The following RAF1 variants were observed in gnomAD, a reference collection of about 807,000 sequenced individuals.
RAF1 encodes Raf-1 proto-oncogene, serine/threonine kinase, also known as RAF proto-oncogene serine/threonine-protein kinase.
In RAF1, 27 loss-of-function variants were observed where a neutral mutation model predicts 81.1. That is an observed-to-expected ratio of 0.33 (90% CI 0.25 to 0.46). The LOEUF is 0.46. Ranked by LOEUF, RAF1 falls within the 20% of genes least tolerant of loss-of-function variation. The pLI, the probability that RAF1 is intolerant of heterozygous loss-of-function variation, is 1.00. For missense variants in RAF1, 598 were observed against 826.0 expected (o/e 0.72, Z 3.38); for synonymous variants, 298 against 294.0 (o/e 1.01, Z -0.14).
intron 5 of RAF1, among the ~76,000 whole-genome samples, chr3:12,606,843 T>C (rs749595783): frequency 1.3e-5 from 2 of 152,170 alleles, no homozygotes; most frequent in African/African-American, 2.4e-5. Flanking sequence ...CTCCTAATGC[T>C]ATCCCTTCCC....
chr3:12,606,077 A>G (rs938866855), intron 6 of RAF1, 124 bp downstream of exon 6: 1 of 699,452 alleles, frequency 1.4e-6, no homozygotes, highest in Non-Finnish European at 2.5e-6. Context: ...GTTCCACAGA[A>G]GCAGCAAGGG....
rs1216502346 is a variant in RAF1 at position 12,585,771 on chromosome 3, C to G, written c.1506G>C (p.Val502=). Residue 502 remains valine, a synonymous_variant, in exon 15 of 18, where the codon GTG becomes GTC. Transcript: ENST00000442415. Reference sequence around the variant, plus strand: ...TTGCCAAACCAAAATCTCCAATTTTCACTGTTAAGCCTTCATGGAGAAATA... The same window carrying G: ...TTGCCAAACCAAAATCTCCAATTTTGACTGTTAAGCCTTCATGGAGAAATA... 6.2e-7 allele frequency: 1 copy of G among 1,613,820 alleles called. No individual in the cohort carries two copies. Among genetic ancestry groups the G allele is most frequent in the Non-Finnish European group, 8.5e-7 (1 of 1,179,702 alleles).
At chr3:12,649,867 C>G (rs1260273568) in intron 1 of RAF1, among the ~76,000 whole-genome samples, 1 of 151,912 alleles carries the variant, frequency 6.6e-6, no homozygotes, top group East Asian at 1.9e-4. Flanking sequence ...AGCTGGGCAG[C>G]CAGGCACAGT....
At chr3:12,601,223 G>A (rs1435373565) in intron 8 of RAF1, among the ~76,000 whole-genome samples, 1 of 152,194 alleles carries the variant, frequency 6.6e-6, no homozygotes, top group African/African-American at 2.4e-5. Context: ...AAACACATCT[G>A]AACAGGTAGA....
chr3:12,598,515 T>C lies in RAF1; in HGVS notation c.1168+1176A>G, dbSNP rs537879633. ...ATTTTGAGAGACCCAAGAGGACTGC[T>C]TGAGTCCAGGAGTTGGAGACCAGCC... On this transcript the variant is annotated intron_variant, in intron 11 of 17. Coordinates refer to ENST00000442415, the MANE Select transcript of RAF1 (RefSeq NM_001354689.3). 4.1e-4 allele frequency among the ~76,000 whole-genome samples: 62 copies of C among 152,080 alleles called. 1 individual carries two copies. The highest frequency in any genetic ancestry group is 8.2e-4 in the African/African-American group (34 of 41,522).
At chr3:12,626,805 C>T (rs1204208049) in intron 1 of RAF1, among the ~76,000 whole-genome samples, 1 of 151,794 alleles carries the variant, frequency 6.6e-6, no homozygotes, top group East Asian at 1.9e-4. Flanking sequence ...AGGTGAATTA[C>T]CTGAGGTCAG....
chr3:12,604,822 G>A (rs1056945481), intron 6 of RAF1, among the ~76,000 whole-genome samples: 27 of 152,060 alleles, frequency 1.8e-4, no homozygotes, highest in African/African-American at 6.5e-4. Flanking sequence ...ATACCTAAAT[G>A]TGAAATTAAC....
At chr3:12,601,361 G>A (rs531456978) in intron 8 of RAF1, among the ~76,000 whole-genome samples, 13 of 152,194 alleles carry the variant, frequency 8.5e-5, no homozygotes, top group Admixed American at 2.0e-4. Flanking sequence ...TTTGGAAATC[G>A]GTTACATTCT....
chr3:12,637,343 T>G (rs1244141146), intron 1 of RAF1, among the ~76,000 whole-genome samples: 2 of 48,784 alleles, frequency 4.1e-5, no homozygotes, highest in African/African-American at 1.8e-4. Context: ...TTGCTTCTAT[T>G]AACATTTTTT....
At chr3:12,650,145 CAAAA>C (rs36098034) in intron 1 of RAF1, among the ~76,000 whole-genome samples, 179 of 76,942 alleles carry the variant, frequency 2.3e-3, no homozygotes, top group African/African-American at 8.1e-3. Flanking sequence ...GACTCCATCT[CAAAA>C]AAAAAAAAAA....
At chr3:12,612,086 G>C in intron 2 of RAF1, 24 bp from the exon 3 acceptor site, 1 of 1,579,790 alleles carries the variant, frequency 6.3e-7, no homozygotes. Context: ...ACCACCTTTA[G>C]GACCAACACA....
At chr3:12,642,719 C>A (rs867446502) in intron 1 of RAF1, among the ~76,000 whole-genome samples, 83 of 141,460 alleles carry the variant, frequency 5.9e-4, no homozygotes, top group African/African-American at 1.2e-3. Context: ...CACACACACA[C>A]AAAATAGCTG....
chr3:12,585,169 G>T lies in RAF1; in HGVS notation c.1681C>A (p.Leu561Met), dbSNP rs1450208813. The T allele has an allele frequency of 1.2e-6, 2 of 1,614,056 alleles. No individual in the cohort carries two copies. The highest frequency in any genetic ancestry group is 1.7e-6 in the Non-Finnish European group (2 of 1,180,042). Residue 561 changes from leucine (L) to methionine (M), a missense_variant, in exon 16 of 18, where the codon CTG (leucine) becomes ATG (methionine). Around this residue, in one of 5 missense-constraint regions of RAF1, gnomAD observed 147 missense variants for 196.1 expected, o/e 0.75. Transcript: ENST00000442415. ...GAATAAGGAAGCTCCCCCGTCATCA[G>T]TTCATACAATACGATGCCATAGGAG...
At chr3:12,663,164 A>G (rs911068470) in intron 1 of RAF1, among the ~76,000 whole-genome samples, 2 of 152,170 alleles carry the variant, frequency 1.3e-5, no homozygotes, top group Non-Finnish European at 2.9e-5. Flanking sequence ...GCAGCTGCAG[A>G]GCTGAAGCGT....
chr3:12,653,876 A>G (rs1328323953), intron 1 of RAF1, among the ~76,000 whole-genome samples: 1 of 152,242 alleles, frequency 6.6e-6, no homozygotes, highest in East Asian at 1.9e-4. Flanking sequence ...AGAAGCAAAG[A>G]AAAGCCATGA....
At chr3:12,621,077 A>C (rs1250788012) in intron 1 of RAF1, among the ~76,000 whole-genome samples, 3 of 152,276 alleles carry the variant, frequency 2.0e-5, no homozygotes, top group Non-Finnish European at 1.5e-5. Context: ...TTTTATTATT[A>C]ACAGTAGCTA....
At chr3:12,654,132 C>T (rs1483906541) in intron 1 of RAF1, among the ~76,000 whole-genome samples, 1 of 151,432 alleles carries the variant, frequency 6.6e-6, no homozygotes, top group Admixed American at 6.6e-5. Flanking sequence ...GCTGGGACTA[C>T]AGGCGCATAC....
chr3:12,662,072 C>T (rs990866405), intron 1 of RAF1, among the ~76,000 whole-genome samples: 2 of 151,502 alleles, frequency 1.3e-5, no homozygotes, highest in Non-Finnish European at 2.9e-5. Flanking sequence ...CCCCTGTAAT[C>T]CCAGCAAGCA....
At chr3:12,591,637 A>T in intron 12 of RAF1, 71 bp downstream of exon 11, 1 of 1,384,614 alleles carries the variant, frequency 7.2e-7, no homozygotes, top group Non-Finnish European at 1.0e-6. Context: ...GGCACAGTCC[A>T]CTAACTCTAC....
Sources: gnomAD v4.1 joint callset for allele counts (sites outside exome capture counted in the v4.1 genomes callset) on GRCh38, gnomAD v4.1.1 for gene constraint, gnomAD v4.1.1 regional missense constraint, MANE v1.5 for transcripts, NCBI Gene and HGNC (gene_info 2026-07-23, HGNC 2026-07-21) for gene names.